The following FTCDNL1 variants were observed in gnomAD, a reference collection of about 807,000 sequenced individuals.
FTCDNL1 encodes formiminotransferase N-terminal subdomain-containing protein.
In FTCDNL1, 11 loss-of-function variants were observed where a neutral mutation model predicts 5.9. The ratio of observed to expected loss-of-function variants is 1.87; its 90% confidence interval spans 1.18 to 3.10. The LOEUF (loss-of-function observed/expected upper bound fraction) is 3.10. FTCDNL1 is among the 30% of genes most tolerant of loss of function. The pLI is 0.00. For missense variants in FTCDNL1, 115 were observed against 65.5 expected (o/e 1.76, Z -2.61); for synonymous variants, 58 against 24.8 (o/e 2.34, Z -3.99).
intron 3 of FTCDNL1, among the ~76,000 whole-genome samples, chr2:199,821,188 C>T (rs577653983): frequency 1.3e-5 from 2 of 152,180 alleles, no homozygotes; most frequent in South Asian, 2.1e-4. Context: ...CTCGCTCTGT[C>T]GCCCAGGCTG....
intron 4 of FTCDNL1, among the ~76,000 whole-genome samples, chr2:199,816,695 C>T (rs1338068084): frequency 6.6e-6 from 1 of 152,204 alleles, no homozygotes; most frequent in African/African-American, 2.4e-5. Context: ...TGGCCTCACT[C>T]CTTCAAGTCT....
At chr2:199,783,996 A>T (rs376817329) in intron 3 of FTCDNL1, among the ~76,000 whole-genome samples, 25 of 152,318 alleles carry the variant, frequency 1.6e-4, no homozygotes, top group African/African-American at 6.0e-4. Context: ...CCCTATTTCA[A>T]GTCTCAGGTT....
chr2:199,708,476 A>C, the FTCDNL1 span, among the ~76,000 whole-genome samples: 286 of 152,204 alleles, frequency 1.9e-3, 4 homozygotes, highest in South Asian at 0.025. Flanking sequence ...TGTGGATTTT[A>C]TCTTGTTTAG....
At chr2:199,804,614 CAAG>C (rs891883821), downstream of FTCDNL1, among the ~76,000 whole-genome samples, 5 of 152,022 alleles carry the variant, frequency 3.3e-5, no homozygotes, top group Non-Finnish European at 5.9e-5. Flanking sequence ...GCGAATTTGA[CAAG>C]AAGAAGACAG....
chr2:199,768,383 C>G (rs1171592333), intron 3 of FTCDNL1, among the ~76,000 whole-genome samples: 1 of 152,122 alleles, frequency 6.6e-6, no homozygotes, highest in Non-Finnish European at 1.5e-5. Flanking sequence ...AAGAAGTCTT[C>G]TACATCATTT....
chr2:199,731,761 G>A, the FTCDNL1 span, among the ~76,000 whole-genome samples: 1 of 151,316 alleles, frequency 6.6e-6, no homozygotes. Context: ...AGTGGCGGGC[G>A]CCTGTAGTCC....
the FTCDNL1 span, among the ~76,000 whole-genome samples, chr2:199,697,243 G>A: frequency 6.6e-6 from 1 of 152,136 alleles, no homozygotes; most frequent in Admixed American, 6.5e-5. Flanking sequence ...CTGTGCTCCA[G>A]CCTGGGCGAC....
the FTCDNL1 span, among the ~76,000 whole-genome samples, chr2:199,698,794 G>C: frequency 6.6e-6 from 1 of 151,812 alleles, no homozygotes; most frequent in African/African-American, 2.4e-5. Context: ...AACAAAATGG[G>C]GCAAGAAAAA....
chr2:199,691,727 G>T, the FTCDNL1 span, among the ~76,000 whole-genome samples: 2 of 152,028 alleles, frequency 1.3e-5, no homozygotes, highest in South Asian at 4.1e-4. Flanking sequence ...TATAACTACG[G>T]TCAATCATTA....
intron 2 of FTCDNL1, 73 bp from the exon 3 acceptor site, chr2:199,846,243 G>A (rs2076730087): frequency 1.7e-6 from 1 of 605,846 alleles, no homozygotes; most frequent in Non-Finnish European, 3.0e-6. Context: ...ATTTCTTCTG[G>A]TATATTTAAA....
the FTCDNL1 span, among the ~76,000 whole-genome samples, chr2:199,700,949 A>G: frequency 6.6e-6 from 1 of 152,144 alleles, no homozygotes; most frequent in African/African-American, 2.4e-5. Context: ...GTTCGCTGCC[A>G]GTGCTCATTT....
At chr2:199,834,083 T>C (rs1281944303) in intron 3 of FTCDNL1, among the ~76,000 whole-genome samples, 1 of 152,122 alleles carries the variant, frequency 6.6e-6, no homozygotes, top group Non-Finnish European at 1.5e-5. Context: ...GCAGATGTAA[T>C]GAGTTAAGAT....
chr2:199,695,971 G>C, the FTCDNL1 span, among the ~76,000 whole-genome samples: 1 of 152,168 alleles, frequency 6.6e-6, no homozygotes, highest in African/African-American at 2.4e-5. Context: ...CCTGTCCTGG[G>C]GTTCTGCCTG....
In FTCDNL1 at chr2:199,810,236, C is replaced by CT. The variant is rs1207760725; in HGVS notation, c.*2468dup. Among the ~76,000 whole-genome samples the CT allele has an allele frequency of 6.6e-6, 1 of 152,150 alleles. No homozygotes were observed. The highest frequency in any genetic ancestry group is 2.4e-5 in the African/African-American group (1 of 41,418). On this transcript the variant is annotated 3_prime_UTR_variant, in exon 5 of 5. Transcript: ENST00000420128. ...GTAAATCACACCTCTGTACCCACCACTCCCTCTCTCCGAAACAAACTCCTG... is the reference window on the plus strand; with the variant it reads ...GTAAATCACACCTCTGTACCCACCACTTCCCTCTCTCCGAAACAAACTCCTG...
chr2:199,717,198 C>T, the FTCDNL1 span, among the ~76,000 whole-genome samples: 5 of 152,136 alleles, frequency 3.3e-5, no homozygotes, highest in Non-Finnish European at 4.4e-5. Flanking sequence ...CTGTGGAACA[C>T]AAAAAGAATT....
chr2:199,766,703 C>G (rs996579565), intron 3 of FTCDNL1, among the ~76,000 whole-genome samples: 1 of 152,096 alleles, frequency 6.6e-6, no homozygotes, highest in Non-Finnish European at 1.5e-5. Flanking sequence ...TGGCCTTGAA[C>G]TTAAACGTCA....
At position 199,820,044 on chromosome 2, in the gene FTCDNL1, A is replaced by T. The variant is rs578043983; in HGVS notation, c.212-287T>A. On this transcript the variant is annotated intron_variant, in intron 3 of 4. Coordinates refer to ENST00000420128, the MANE Select transcript of FTCDNL1 (RefSeq NM_001363886.2). ...CTTGCCTTGATACAAGCAGGCTTGAATTTCTAACCCATTACAAATCTAATT... is the reference window on the plus strand; with the variant it reads ...CTTGCCTTGATACAAGCAGGCTTGATTTTCTAACCCATTACAAATCTAATT... Among the ~76,000 whole-genome samples, 236 of 152,362 alleles carry T rather than the reference A, an allele frequency of 1.5e-3. 2 individuals carry two copies. The highest frequency in any genetic ancestry group is 5.3e-3 in the African/African-American group (221 of 41,594).
At position 199,831,185 on chromosome 2, in the gene FTCDNL1, C is replaced by G. The variant is rs1297483608; in HGVS notation, c.212-11428G>C. On this transcript the variant is annotated intron_variant, in intron 3 of 4. Transcript: ENST00000420128. ...AGTTGTCAGTTTATTATTGGCATGA[C>G]AGTAAAAAATAAAATGCAAAGAAAA... 2.0e-5 allele frequency among the ~76,000 whole-genome samples: 3 copies of G among 151,984 alleles called. No homozygotes were observed. The South Asian group carries it at 6.2e-4, about 32-fold the overall frequency.
At chr2:199,837,843 C>T (rs898471409) in intron 3 of FTCDNL1, among the ~76,000 whole-genome samples, 7 of 152,094 alleles carry the variant, frequency 4.6e-5, no homozygotes, top group South Asian at 2.1e-4. Context: ...TTAGTTGATA[C>T]GGCATTGTGC....
Sources: gnomAD v4.1 joint callset for allele counts (sites outside exome capture counted in the v4.1 genomes callset) on GRCh38, gnomAD v4.1.1 for gene constraint, MANE v1.5 for transcripts, NCBI Gene and HGNC (gene_info 2026-07-23, HGNC 2026-07-21) for gene names.